C3orf49: variants seen among roughly 807,000 people sequenced by gnomAD.
The protein encoded by C3orf49 is chromosome 3 open reading frame 49.
In C3orf49, 27 loss-of-function variants were observed where a neutral mutation model predicts 13.3. The ratio of observed to expected loss-of-function variants is 2.02; its 90% confidence interval spans 1.49 to 2.79. The LOEUF (loss-of-function observed/expected upper bound fraction) is 2.79. Ranked by LOEUF, C3orf49 falls within the 30% of genes most tolerant of loss-of-function variation. C3orf49 has a pLI of 0.00. For synonymous variants in C3orf49, 87 were observed against 47.6 expected, an observed-to-expected ratio of 1.83 and a Z score of -3.40; for missense variants, 242 against 134.2, an observed-to-expected ratio of 1.80 and a Z score of -3.97.
intron 2 of C3orf49, chr3:63,826,750 T>A: frequency 6.6e-6 from 1 of 152,190 alleles, no homozygotes; most frequent in East Asian, 1.9e-4. Context: ...CTTTCCCCAA[T>A]GCTGTCATCC....
intron 3 of C3orf49, among the ~76,000 whole-genome samples, chr3:63,829,252 G>T (rs17069441): frequency 0.026 from 3,915 of 152,228 alleles, 161 homozygotes; most frequent in African/African-American, 0.088. Flanking sequence ...ACATGGTCTT[G>T]CTTCTGTGGA....
the C3orf49 span, among the ~76,000 whole-genome samples, chr3:63,793,925 C>T: frequency 2.0e-5 from 3 of 152,088 alleles, no homozygotes; most frequent in Non-Finnish European, 2.9e-5. Flanking sequence ...TGAGGCCAAA[C>T]AGGACAATCG....
At chr3:63,804,004 G>A in the C3orf49 span, among the ~76,000 whole-genome samples, 3 of 151,908 alleles carry the variant, frequency 2.0e-5, no homozygotes, top group South Asian at 2.1e-4. Flanking sequence ...TAAGGAGAAC[G>A]CAACCTAGAT....
At chr3:63,840,057 T>C (rs1701725835) in intron 5 of C3orf49, among the ~76,000 whole-genome samples, 1 of 152,136 alleles carries the variant, frequency 6.6e-6, no homozygotes, top group African/African-American at 2.4e-5. Flanking sequence ...GCTGGAGTAA[T>C]AGCAGTGAAA....
At chr3:63,834,436 G>C (rs919882992) in intron 5 of C3orf49, among the ~76,000 whole-genome samples, 9 of 151,810 alleles carry the variant, frequency 5.9e-5, no homozygotes, top group Admixed American at 2.0e-4. Flanking sequence ...AAGGCAGGTG[G>C]ATCACCTGAG....
At chr3:63,825,330 A>C (rs927881225) in intron 2 of C3orf49, among the ~76,000 whole-genome samples, 2 of 152,224 alleles carry the variant, frequency 1.3e-5, no homozygotes, top group South Asian at 2.1e-4. Context: ...ACAAAAAAAA[A>C]CCCTGATGGT....
chr3:63,798,720 A>T, the C3orf49 span, among the ~76,000 whole-genome samples: 1 of 152,100 alleles, frequency 6.6e-6, no homozygotes, highest in Non-Finnish European at 1.5e-5. Flanking sequence ...TGTCACAATG[A>T]TGTATGTAGG....
At chr3:63,790,262 T>C in the C3orf49 span, among the ~76,000 whole-genome samples, 1 of 152,202 alleles carries the variant, frequency 6.6e-6, no homozygotes, top group Non-Finnish European at 1.5e-5. Flanking sequence ...ACTGTTTCCC[T>C]GGTAGCAGCC....
chr3:63,824,576 C>T lies in C3orf49; in HGVS notation c.445+1007C>T, dbSNP rs551748760. Among the ~76,000 whole-genome samples the T allele has an allele frequency of 1.3e-3, 191 of 152,228 alleles. 1 individual carries two copies. Among genetic ancestry groups the T allele is most frequent in the African/African-American group, 4.6e-3 (190 of 41,548 alleles). On this transcript the variant is annotated intron_variant, in intron 2 of 6. Transcript: ENST00000295896. ...AGTCTAGGCCGGGAGCAGTGGCTCA[C>T]GTATGTAATCCCAGCTCTTTGGAAG...
intron 2 of C3orf49, 145 bp downstream of exon 2, chr3:63,823,714 G>C: frequency 1.6e-6 from 1 of 607,190 alleles, no homozygotes. Flanking sequence ...GACCTTCTGA[G>C]TGAGAAGCCA....
intron 5 of C3orf49, among the ~76,000 whole-genome samples, chr3:63,843,949 GTA>G (rs1334487568): frequency 1.3e-5 from 2 of 151,868 alleles, no homozygotes; most frequent in African/African-American, 4.8e-5. Flanking sequence ...ATATATGTGT[GTA>G]TGTGTTACAC....
In C3orf49 at chr3:63,832,428, G is replaced by A. The variant is rs567631826; in HGVS notation, c.849+584G>A. Among the ~76,000 whole-genome samples, 116 of 152,264 alleles carry A rather than the reference G, an allele frequency of 7.6e-4. 2 individuals are homozygous for A. Among genetic ancestry groups the A allele is most frequent in the South Asian group, 2.1e-3 (10 of 4,820 alleles). ...ACTCCCAGCACTTTGGGAGGCTAAC[G>A]TGGGTGGATCACGTGAACCCAGGAG... On this transcript the variant is annotated intron_variant, in intron 5 of 6. Coordinates refer to ENST00000295896, the MANE Select transcript of C3orf49 (RefSeq NM_001355236.2).
chr3:63,825,693 A>C (rs1701457736), intron 2 of C3orf49, among the ~76,000 whole-genome samples: 1 of 152,204 alleles, frequency 6.6e-6, no homozygotes. Context: ...TGACCTTCAA[A>C]ACATGTTTTT....
Position 63,848,391 on chromosome 3 carries a change from C to T in C3orf49, c.*58C>T. 1 of 152,170 alleles carries T rather than the reference C, an allele frequency of 6.6e-6. No homozygotes were observed. The highest frequency in any genetic ancestry group is 1.9e-4 in the East Asian group (1 of 5,192). The allele number at this position is 152,170 out of a possible 1,614,324, so 9.4% of individuals were successfully genotyped here. The stretch of plus-strand genomic sequence containing the variant: ...CTTCAGACAATAACTTAACCAATTA[C>T]CAATCAGAAAATCGACTCCACCTAT... On this transcript the variant is annotated 3_prime_UTR_variant, in exon 7 of 7. Coordinates refer to ENST00000295896, the MANE Select transcript of C3orf49 (RefSeq NM_001355236.2).
intron 5 of C3orf49, chr3:63,836,265 A>T (rs761078191): frequency 1.8e-5 from 28 of 1,585,030 alleles, no homozygotes; most frequent in Non-Finnish European, 1.3e-5. Flanking sequence ...TTATGTATAA[A>T]GGTTAGTTCC....
At chr3:63,816,114 TC>T (rs1701321617), upstream of C3orf49, among the ~76,000 whole-genome samples, 1 of 151,580 alleles carries the variant, frequency 6.6e-6, no homozygotes. Context: ...TATTTTTAAT[TC>T]TTTTTTCTTT....
chr3:63,844,128 T>TA (rs1423404007), intron 5 of C3orf49, among the ~76,000 whole-genome samples: 2 of 152,136 alleles, frequency 1.3e-5, no homozygotes, highest in African/African-American at 2.4e-5. Context: ...TGATCACACT[T>TA]ACATATGGAA....
At chr3:63,816,650 C>T (rs1213697063), upstream of C3orf49, among the ~76,000 whole-genome samples, 1 of 152,072 alleles carries the variant, frequency 6.6e-6, no homozygotes, top group African/African-American at 2.4e-5. Context: ...AAGATCAAGA[C>T]CAAAACCTTT....
At chr3:63,818,957 C>T (rs960590467), upstream of C3orf49, among the ~76,000 whole-genome samples, 2 of 152,232 alleles carry the variant, frequency 1.3e-5, no homozygotes, top group African/African-American at 2.4e-5. Context: ...AGAGAACATT[C>T]ACCAGCTGTA....
Sources: allele counts gnomAD v4.1 joint callset (sites outside exome capture counted in the v4.1 genomes callset), GRCh38; gene constraint gnomAD v4.1.1; transcripts MANE v1.5; gene names NCBI Gene and HGNC (gene_info 2026-07-23, HGNC 2026-07-21).